Variants in SYTL5 observed in about 807,000 individuals in gnomAD.
SYTL5 encodes synaptotagmin like 5, also known as synaptotagmin-like protein 5.
Under a neutral mutation model 55.9 loss-of-function variants are expected in SYTL5, and 34 were observed. That is an observed-to-expected ratio of 0.61 (90% CI 0.46 to 0.81). The LOEUF (loss-of-function observed/expected upper bound fraction) is 0.81. SYTL5 is among the 30% of genes least tolerant of loss of function. The pLI, the probability that SYTL5 is intolerant of heterozygous loss-of-function variation, is 0.00. For synonymous variants in SYTL5, 221 were observed against 188.7 expected (o/e 1.17, Z -1.40); for missense variants, 637 against 546.7 (o/e 1.17, Z -1.65).
At chrX:38,032,918 T>C (rs1285869339) in intron 1 of SYTL5, among the ~76,000 whole-genome samples, 1 of 111,162 alleles carries the variant, frequency 9.0e-6, no homozygotes, top group Non-Finnish European at 1.9e-5. Flanking sequence ...GAGACATGGG[T>C]CTCACTATGT....
At chrX:38,062,036 C>T (rs1417084858) in intron 3 of SYTL5, among the ~76,000 whole-genome samples, 3 of 110,282 alleles carry the variant, frequency 2.7e-5, no homozygotes, top group Non-Finnish European at 3.8e-5. Context: ...GGCGCAATCT[C>T]GACTCACTAC....
At chrX:37,968,258 A>G in the SYTL5 span, among the ~76,000 whole-genome samples, 2 of 111,254 alleles carry the variant, frequency 1.8e-5, no homozygotes, top group Non-Finnish European at 3.8e-5. Context: ...TAGATACAGT[A>G]CCCATTTTCA....
At position 38,072,135 on chromosome X, in the gene SYTL5, C is replaced by T. The variant is rs756693086; in HGVS notation, c.418C>T (p.Arg140Ter). The T allele has an allele frequency of 4.1e-6, 5 of 1,207,908 alleles. No homozygotes were observed. Among genetic ancestry groups the T allele is most frequent in the Non-Finnish European group, 5.6e-6 (5 of 892,959 alleles). ...QVNVLGTDVV[R>*]QSILRRSPGA... ...CAATGTTCTCGGCACTGATGTTGTC[C>T]GACAGTCCATTTTAAGAAGAAGTCC... Residue 140 changes from arginine to a stop codon, truncating the protein, a stop_gained, in exon 4 of 17, where the codon CGA becomes TGA. Coordinates refer to ENST00000297875, the MANE Select transcript of SYTL5 (RefSeq NM_138780.3). LOFTEE classifies it high-confidence loss of function.
chrX:38,063,154 G>T (rs1381444603), intron 3 of SYTL5, among the ~76,000 whole-genome samples: 2 of 110,602 alleles, frequency 1.8e-5, no homozygotes, highest in Non-Finnish European at 3.8e-5. Flanking sequence ...ACGAGCATCT[G>T]GTCATCTTTG....
At chrX:38,115,065 C>T (rs2147664986) in intron 13 of SYTL5, among the ~76,000 whole-genome samples, 1 of 112,022 alleles carries the variant, frequency 8.9e-6, no homozygotes, top group Admixed American at 9.5e-5. Context: ...GAATAGTATT[C>T]CATTGTGTAT....
the SYTL5 span, among the ~76,000 whole-genome samples, chrX:37,994,181 A>G: frequency 8.9e-6 from 1 of 112,175 alleles, no homozygotes; most frequent in Non-Finnish European, 1.9e-5. Flanking sequence ...AGTGGACACC[A>G]ATGACATCAA....
At chrX:38,054,611 TGA>T (rs3067495) in intron 3 of SYTL5, among the ~76,000 whole-genome samples, 189 bp downstream of exon 3, 26,044 of 94,786 alleles carry the variant, frequency 0.27, 3,196 homozygotes, top group Middle Eastern at 0.38. Flanking sequence ...TGTGTGTATG[TGA>T]GAGAGAGAGA....
intron 1 of SYTL5, among the ~76,000 whole-genome samples, chrX:38,015,709 T>G (rs1159532729): frequency 9.0e-6 from 1 of 111,035 alleles, no homozygotes; most frequent in African/African-American, 3.3e-5. Flanking sequence ...ATTCAATGTT[T>G]TTTTTTTTTT....
the SYTL5 span, among the ~76,000 whole-genome samples, chrX:37,929,558 T>C: frequency 9.0e-6 from 1 of 111,728 alleles, no homozygotes; most frequent in African/African-American, 3.3e-5. Flanking sequence ...TTGAGATAAG[T>C]AGAAGTGAAG....
the SYTL5 span, among the ~76,000 whole-genome samples, chrX:37,964,174 C>T: frequency 1.2e-4 from 13 of 111,442 alleles, no homozygotes; most frequent in South Asian, 3.8e-4. Flanking sequence ...ACCCAAAGAG[C>T]TCCCTTGCCC....
chrX:38,078,147 T>C (rs1191157020), intron 6 of SYTL5, among the ~76,000 whole-genome samples: 1 of 112,400 alleles, frequency 8.9e-6, no homozygotes, highest in Non-Finnish European at 1.9e-5. Context: ...TGGTGTTCTT[T>C]TTGCTCAGCC....
intron 15 of SYTL5, among the ~76,000 whole-genome samples, chrX:38,123,164 G>A (rs1233916395): frequency 8.9e-6 from 1 of 112,534 alleles, no homozygotes; most frequent in Non-Finnish European, 1.9e-5. Context: ...TTTTGAGACA[G>A]AGTTTCACTC....
Position 38,128,539 on chromosome X carries a change from C to T in SYTL5, c.*1809C>T, listed in dbSNP as rs1179945032. 1 of 111,470 alleles carries T rather than the reference C, an allele frequency of 9.0e-6. No individual in the cohort carries two copies. The highest frequency in any genetic ancestry group is 2.8e-4 in the East Asian group (1 of 3,580). The allele number at this position is 111,470 out of a possible 1,213,427, so 9.2% of individuals were successfully genotyped here. A position where few individuals can be genotyped will look rare whatever the true frequency, so the allele number is the denominator to read the frequency against. On this transcript the variant is annotated 3_prime_UTR_variant, in exon 17 of 17. Coordinates refer to ENST00000297875, the MANE Select transcript of SYTL5 (RefSeq NM_138780.3). ...TCGGGCTTATTCCTGCTAGTTGTTC[C>T]ATATTTCTAGATTTCATCTTGAATT...
the SYTL5 span, among the ~76,000 whole-genome samples, chrX:37,936,937 G>A: frequency 2.7e-3 from 290 of 107,638 alleles, 1 homozygote; most frequent in African/African-American, 9.2e-3. Context: ...GTAATCTCAG[G>A]TACTTGGGAG....
At chrX:37,940,791 G>C in the SYTL5 span, among the ~76,000 whole-genome samples, 1 of 110,450 alleles carries the variant, frequency 9.1e-6, no homozygotes, top group African/African-American at 3.3e-5. Flanking sequence ...TAAATTATCT[G>C]ATATGCTGCA....
chrX:37,980,763 C>A, the SYTL5 span, among the ~76,000 whole-genome samples: 1 of 85,390 alleles, frequency 1.2e-5, no homozygotes, highest in African/African-American at 5.8e-5. Flanking sequence ...AGGCTAAGTT[C>A]TGGACAAGGT....
At chrX:38,083,955 C>T (rs1389398721) in intron 6 of SYTL5, among the ~76,000 whole-genome samples, 2 of 110,134 alleles carry the variant, frequency 1.8e-5, no homozygotes, top group Non-Finnish European at 3.8e-5. Flanking sequence ...TGACCTTCTG[C>T]TGTCCTTCTT....
the SYTL5 span, among the ~76,000 whole-genome samples, chrX:37,978,342 A>G: frequency 3.6e-5 from 4 of 111,696 alleles, no homozygotes; most frequent in African/African-American, 1.3e-4. Context: ...GATAGGATAT[A>G]TGGGAGGAAA....
chrX:38,050,721 G>T (rs1935599505), intron 2 of SYTL5, among the ~76,000 whole-genome samples: 1 of 112,001 alleles, frequency 8.9e-6, no homozygotes, highest in South Asian at 3.7e-4. Flanking sequence ...ACTCTTAGTG[G>T]CTTAAAACAA....
Sources: allele counts gnomAD v4.1 joint callset (sites outside exome capture counted in the v4.1 genomes callset), GRCh38; gene constraint gnomAD v4.1.1; transcripts MANE v1.5; gene names NCBI Gene and HGNC (gene_info 2026-07-23, HGNC 2026-07-21).